The following GALNT13 variants were observed in gnomAD, a reference collection of about 807,000 sequenced individuals.
GALNT13 encodes UDP-GalNAc:polypeptide N-acetylgalactosaminyltransferase 13.
A neutral mutation model predicts 64.2 loss-of-function variants in GALNT13; 28 were observed. The ratio of observed to expected loss-of-function variants is 0.44; its 90% CI spans 0.32 to 0.60. The LOEUF (loss-of-function observed/expected upper bound fraction) is 0.60, where lower values mean the gene tolerates loss of function less well. GALNT13 is among the 20% of genes least tolerant of loss of function. The pLI is 0.05. For synonymous variants in GALNT13, 214 were observed against 224.6 expected, an observed-to-expected ratio of 0.95 and a Z score of 0.42; for missense variants, 577 against 669.8, an observed-to-expected ratio of 0.86 and a Z score of 1.53.
At chr2:153,279,593 AT>A in the GALNT13 span, among the ~76,000 whole-genome samples, 125,441 of 151,956 alleles carry the variant, frequency 0.83, 52,970 homozygotes, top group African/African-American at 0.91. Context: ...TTATTGAAAG[AT>A]TTTTTTCTTG....
At chr2:154,094,558 A>C (rs1390178248) in intron 3 of GALNT13, among the ~76,000 whole-genome samples, 1 of 152,008 alleles carries the variant, frequency 6.6e-6, no homozygotes, top group East Asian at 1.9e-4. Flanking sequence ...TAAAAAATTA[A>C]GATTTACCAT....
the GALNT13 span, among the ~76,000 whole-genome samples, chr2:153,616,331 A>G: frequency 6.6e-6 from 1 of 151,812 alleles, no homozygotes; most frequent in Non-Finnish European, 1.5e-5. Flanking sequence ...TGGTTACTGT[A>G]GCTCTAATGT....
the GALNT13 span, among the ~76,000 whole-genome samples, chr2:153,548,533 C>T: frequency 6.6e-6 from 1 of 152,170 alleles, no homozygotes; most frequent in African/African-American, 2.4e-5. Context: ...CTGGCTTTTG[C>T]TTCCAGTGAA....
intron 7 of GALNT13, among the ~76,000 whole-genome samples, chr2:154,248,426 A>G (rs1689899239): frequency 6.6e-6 from 1 of 152,102 alleles, no homozygotes; most frequent in South Asian, 2.1e-4. Flanking sequence ...GTTTCCTTTA[A>G]TCAGTAAACT....
chr2:153,521,939 C>T, the GALNT13 span, among the ~76,000 whole-genome samples: 3 of 152,066 alleles, frequency 2.0e-5, no homozygotes, highest in African/African-American at 7.2e-5. Flanking sequence ...TGACCATTTG[C>T]CAACTGAATG....
At chr2:153,842,658 A>G in the GALNT13 span, among the ~76,000 whole-genome samples, 1 of 152,084 alleles carries the variant, frequency 6.6e-6, no homozygotes, top group South Asian at 2.1e-4. Flanking sequence ...TTTAAAAAAC[A>G]CAAGAGCTAG....
chr2:153,704,022 A>G, the GALNT13 span, among the ~76,000 whole-genome samples: 1 of 152,166 alleles, frequency 6.6e-6, no homozygotes, highest in Non-Finnish European at 1.5e-5. Flanking sequence ...CAGTTCCACA[A>G]ATGTTTTATT....
chr2:153,439,175 C>A, the GALNT13 span, among the ~76,000 whole-genome samples: 1 of 152,286 alleles, frequency 6.6e-6, no homozygotes, highest in South Asian at 2.1e-4. Context: ...GATCGTTCCT[C>A]TGGAAGTTTT....
At chr2:153,187,074 A>G in the GALNT13 span, among the ~76,000 whole-genome samples, 3 of 152,246 alleles carry the variant, frequency 2.0e-5, no homozygotes, top group Admixed American at 6.5e-5. Context: ...AAATAAATTG[A>G]ATCCAAATTT....
chr2:154,444,862 T>C (rs1336675198), intron 12 of GALNT13, among the ~76,000 whole-genome samples: 2 of 152,094 alleles, frequency 1.3e-5, no homozygotes. Context: ...AAATTCATTT[T>C]AGAGAAATAG....
the GALNT13 span, among the ~76,000 whole-genome samples, chr2:153,719,388 T>C: frequency 3.3e-5 from 5 of 152,292 alleles, no homozygotes; most frequent in East Asian, 9.7e-4. Flanking sequence ...CAATTTGTAA[T>C]TGATGATTAG....
the GALNT13 span, among the ~76,000 whole-genome samples, chr2:153,436,404 T>A: frequency 6.6e-6 from 1 of 152,208 alleles, no homozygotes; most frequent in Non-Finnish European, 1.5e-5. Context: ...GGAGGAATGG[T>A]ACCAGTTCCT....
chr2:153,589,519 G>A, the GALNT13 span, among the ~76,000 whole-genome samples: 1 of 152,210 alleles, frequency 6.6e-6, no homozygotes, highest in African/African-American at 2.4e-5. Context: ...CCACTCTACT[G>A]GTACCAATTT....
intron 4 of GALNT13, among the ~76,000 whole-genome samples, chr2:154,158,989 C>G (rs1299572255): frequency 6.6e-6 from 1 of 152,086 alleles, no homozygotes; most frequent in African/African-American, 2.4e-5. Flanking sequence ...CTTTGTACTA[C>G]TGACTACCTA....
At chr2:154,202,336 A>G (rs1362990581) in intron 4 of GALNT13, among the ~76,000 whole-genome samples, 1 of 152,060 alleles carries the variant, frequency 6.6e-6, no homozygotes, top group Non-Finnish European at 1.5e-5. Context: ...ATGTTCCCTG[A>G]TGAAGTTCTA....
At chr2:153,302,690 T>A in the GALNT13 span, among the ~76,000 whole-genome samples, 3 of 152,226 alleles carry the variant, frequency 2.0e-5, no homozygotes, top group African/African-American at 7.2e-5. Context: ...ACTTCAGGTC[T>A]TACAGTTAAG....
chr2:154,202,271 T>C (rs1003131609), intron 4 of GALNT13, among the ~76,000 whole-genome samples: 3 of 152,066 alleles, frequency 2.0e-5, no homozygotes, highest in African/African-American at 4.8e-5. Flanking sequence ...TAAGGTAATA[T>C]TTGATCTAGA....
the GALNT13 span, among the ~76,000 whole-genome samples, chr2:153,416,851 A>T: frequency 6.6e-6 from 1 of 152,186 alleles, no homozygotes; most frequent in East Asian, 1.9e-4. Flanking sequence ...ATTAAAATAC[A>T]TCCAACTTTT....
chr2:153,717,623 T>C, the GALNT13 span, among the ~76,000 whole-genome samples: 648 of 152,356 alleles, frequency 4.3e-3, 1 homozygote, highest in Middle Eastern at 0.01. Context: ...TTATAGTTAA[T>C]TTTAAATCTT....
Sources: allele counts gnomAD v4.1 joint callset (sites outside exome capture counted in the v4.1 genomes callset), GRCh38; gene constraint gnomAD v4.1.1; transcripts MANE v1.5; gene names NCBI Gene and HGNC (gene_info 2026-07-23, HGNC 2026-07-21).